WDR70: variants seen among roughly 807,000 people sequenced by gnomAD.
The protein encoded by WDR70 is WD repeat-containing protein 70.
In WDR70, 53 loss-of-function variants were observed where a neutral mutation model predicts 88.6. The observed-to-expected ratio is 0.60, with a 90% CI of 0.48 to 0.75. The LOEUF (loss-of-function observed/expected upper bound fraction) is 0.75, where lower values mean the gene tolerates loss of function less well. WDR70 is among the 30% of genes least tolerant of loss of function. The pLI, the probability that WDR70 is intolerant of heterozygous loss-of-function variation, is 0.00. For synonymous variants in WDR70, 280 were observed against 270.0 expected, an observed-to-expected ratio of 1.04 and a Z score of -0.36; for missense variants, 610 against 823.2, an observed-to-expected ratio of 0.74 and a Z score of 3.17.
chr5:37,627,856 G>A (rs1561928672), intron 10 of WDR70, among the ~76,000 whole-genome samples: 1 of 152,154 alleles, frequency 6.6e-6, no homozygotes, highest in Non-Finnish European at 1.5e-5. Flanking sequence ...CAGTCCTGGA[G>A]AGTGTTCCAT....
At chr5:37,683,554 A>G (rs75179418) in intron 10 of WDR70, among the ~76,000 whole-genome samples, 3,184 of 152,220 alleles carry the variant, frequency 0.021, 127 homozygotes, top group African/African-American at 0.072. Flanking sequence ...GAATTCCCTC[A>G]GTATTTGCTT....
At chr5:37,591,331 G>C (rs1743526765) in intron 9 of WDR70, among the ~76,000 whole-genome samples, 1 of 152,058 alleles carries the variant, frequency 6.6e-6, no homozygotes, top group African/African-American at 2.4e-5. Context: ...AAGAATTGCA[G>C]GCAATATCAG....
At chr5:37,712,029 G>T in intron 13 of WDR70, among the ~76,000 whole-genome samples, 1 of 136,162 alleles carries the variant, frequency 7.3e-6, no homozygotes. Context: ...GTCTCACTCG[G>T]TCACACAGGC....
intron 10 of WDR70, among the ~76,000 whole-genome samples, chr5:37,689,567 AG>A (rs1746721568): frequency 6.6e-6 from 1 of 152,230 alleles, no homozygotes; most frequent in Non-Finnish European, 1.5e-5. Context: ...TCAGGCAAAC[AG>A]GGTCTGGAGT....
chr5:37,540,052 AGTT>A (rs1344133656), intron 9 of WDR70, among the ~76,000 whole-genome samples: 2 of 152,220 alleles, frequency 1.3e-5, no homozygotes, highest in Admixed American at 6.5e-5. Flanking sequence ...CTTTATATTA[AGTT>A]GTTATCAGAA....
chr5:37,680,899 A>G (rs1488441816), intron 10 of WDR70, among the ~76,000 whole-genome samples: 1 of 152,166 alleles, frequency 6.6e-6, no homozygotes, highest in Non-Finnish European at 1.5e-5. Flanking sequence ...TTGGTTCCAT[A>G]TGAGTAGTTT....
chr5:37,568,963 T>C (rs1032407147), intron 9 of WDR70, among the ~76,000 whole-genome samples: 1 of 152,154 alleles, frequency 6.6e-6, no homozygotes, highest in Non-Finnish European at 1.5e-5. Flanking sequence ...TACATGAGAA[T>C]AGGTTGAGCT....
At position 37,753,224 on chromosome 5, in the gene WDR70, G is replaced by C. The variant is rs1748861702; in HGVS notation, c.*651G>C. On this transcript the variant is annotated 3_prime_UTR_variant, in exon 18 of 18. Coordinates refer to ENST00000265107, the MANE Select transcript of WDR70 (RefSeq NM_018034.4). Reference sequence around the variant, plus strand: ...CAGATGATGAAATAGTACGTACTTTGCAGGTTCGTCAGAAGAATTAAATGG... The same window carrying C: ...CAGATGATGAAATAGTACGTACTTTCCAGGTTCGTCAGAAGAATTAAATGG... 6.6e-6 allele frequency: 1 copy of C among 152,162 alleles called. No homozygotes were observed. Among genetic ancestry groups the C allele is most frequent in the Admixed American group, 6.5e-5 (1 of 15,272 alleles). 9.4% of individuals were successfully genotyped at this position (152,162 alleles called of 1,614,324 possible). A position where few individuals can be genotyped will look rare whatever the true frequency, so the allele number is the denominator to read the frequency against.
intron 9 of WDR70, among the ~76,000 whole-genome samples, chr5:37,554,005 G>A (rs1357065486): frequency 6.6e-6 from 1 of 151,886 alleles, no homozygotes; most frequent in Non-Finnish European, 1.5e-5. Context: ...TGTCTTAGAG[G>A]GATTATGGAA....
intron 3 of WDR70, among the ~76,000 whole-genome samples, chr5:37,389,690 G>A (rs1444815852): frequency 6.6e-6 from 1 of 152,120 alleles, no homozygotes; most frequent in Non-Finnish European, 1.5e-5. Flanking sequence ...GGGATTACAG[G>A]CGTGAGCCAC....
intron 9 of WDR70, among the ~76,000 whole-genome samples, chr5:37,529,688 T>C (rs559925521): frequency 6.6e-6 from 1 of 152,322 alleles, no homozygotes; most frequent in African/African-American, 2.4e-5. Context: ...TCCTGAAACC[T>C]TACTGAATTT....
intron 2 of WDR70, among the ~76,000 whole-genome samples, chr5:37,380,558 G>T (rs1652707202): frequency 6.6e-6 from 1 of 151,976 alleles, no homozygotes; most frequent in South Asian, 2.1e-4. Context: ...TAGCCAGGAT[G>T]ATCTCGATCT....
chr5:37,530,578 A>G (rs1163089749), intron 9 of WDR70, among the ~76,000 whole-genome samples: 1 of 151,286 alleles, frequency 6.6e-6, no homozygotes, highest in Non-Finnish European at 1.5e-5. Context: ...TAGTTTTTCT[A>G]GTTTATGTGC....
intron 17 of WDR70, 141 bp downstream of exon 17, chr5:37,727,186 C>A: frequency 1.9e-6 from 2 of 1,030,702 alleles, no homozygotes; most frequent in Non-Finnish European, 2.7e-6. Flanking sequence ...TACTCATGGT[C>A]TTTAAACCTA....
intron 9 of WDR70, among the ~76,000 whole-genome samples, chr5:37,592,089 G>C (rs930298931): frequency 5.3e-5 from 8 of 152,156 alleles, no homozygotes; most frequent in Admixed American, 5.2e-4. Flanking sequence ...TATCCAAAAT[G>C]TCTGGGCTCA....
intron 5 of WDR70, among the ~76,000 whole-genome samples, chr5:37,426,380 G>A (rs1750124079): frequency 6.6e-6 from 1 of 152,152 alleles, no homozygotes; most frequent in Non-Finnish European, 1.5e-5. Flanking sequence ...CATCTTTACT[G>A]TTTTAGTTAT....
rs538194491 is a variant in WDR70, at chr5:37,443,195, T to A, written c.553-44T>A. 7 of 1,549,514 alleles carry A rather than the reference T, an allele frequency of 4.5e-6. No individual in the cohort carries two copies. In the East Asian group the frequency reaches 1.5e-4, roughly 32 times the overall value. ...AAATGGGAGGTTATAATTGACCATATGTCATTTTGCTCCGGTCATTTTATT... is the reference window on the plus strand; with the variant it reads ...AAATGGGAGGTTATAATTGACCATAAGTCATTTTGCTCCGGTCATTTTATT... On this transcript the variant is annotated intron_variant, in intron 6 of 17. Coordinates refer to ENST00000265107, the MANE Select transcript of WDR70 (RefSeq NM_018034.4).
intron 9 of WDR70, among the ~76,000 whole-genome samples, chr5:37,601,031 T>G (rs1743866539): frequency 6.6e-6 from 1 of 152,228 alleles, no homozygotes; most frequent in Admixed American, 6.5e-5. Context: ...ACTTATTTCT[T>G]TTTCATTCCT....
At chr5:37,642,044 A>G (rs899799057) in intron 10 of WDR70, among the ~76,000 whole-genome samples, 6 of 152,220 alleles carry the variant, frequency 3.9e-5, no homozygotes, top group Admixed American at 6.5e-5. Flanking sequence ...GATGATTGCT[A>G]TAAGTGTGGT....
Sources: gnomAD v4.1 joint callset for allele counts (sites outside exome capture counted in the v4.1 genomes callset) on GRCh38, gnomAD v4.1.1 for gene constraint, MANE v1.5 for transcripts, NCBI Gene and HGNC (gene_info 2026-07-23, HGNC 2026-07-21) for gene names.